PIK3R1: variants seen among roughly 807,000 people sequenced by gnomAD.
PIK3R1 encodes phosphoinositide-3-kinase regulatory subunit 1.
PIK3R1 carries 29 observed loss-of-function variants against 98.0 expected under a neutral mutation model. The ratio of observed to expected loss-of-function variants is 0.30; its 90% CI spans 0.22 to 0.40. PIK3R1 has a LOEUF of 0.40. PIK3R1 is among the 10% of genes least tolerant of loss of function. The pLI is 1.00. For synonymous variants in PIK3R1, 282 were observed against 311.8 expected (o/e 0.90, Z 1.01); for missense variants, 596 against 872.7 (o/e 0.68, Z 3.99).
intron 2 of PIK3R1, among the ~76,000 whole-genome samples, chr5:68,227,630 C>T (rs1580174622): frequency 6.6e-6 from 1 of 152,134 alleles, no homozygotes; most frequent in Admixed American, 6.5e-5. Flanking sequence ...AATAAAATGA[C>T]CACAGAACTC....
At chr5:68,220,347 C>A (rs1191902371) in intron 1 of PIK3R1, among the ~76,000 whole-genome samples, 1 of 152,182 alleles carries the variant, frequency 6.6e-6, no homozygotes, top group Non-Finnish European at 1.5e-5. Context: ...CTCATTCCTG[C>A]CCCCTCAGGT....
At chr5:68,277,045 C>A (rs1561286963) in intron 4 of PIK3R1, among the ~76,000 whole-genome samples, 2 of 152,142 alleles carry the variant, frequency 1.3e-5, no homozygotes, top group South Asian at 4.1e-4. Context: ...AGAGGGAAAC[C>A]CTGCCTGAGG....
In PIK3R1 at chr5:68,298,939, C is replaced by T; in HGVS notation, c.*1338C>T. 1.3e-5 allele frequency: 3 copies of T among 233,502 alleles called. No individual in the cohort carries two copies. Among genetic ancestry groups the T allele is most frequent in the Non-Finnish European group, 2.5e-5 (3 of 117,940 alleles). The allele number at this position is 233,502 out of a possible 1,614,324, so 14.5% of individuals were successfully genotyped here. ...GGGGAGGCAAGGTTATATGCACTTT[C>T]TCATGATTTACAGAGAAGTGAATAA... is the stretch of plus-strand genomic sequence containing the variant. On this transcript the variant is annotated 3_prime_UTR_variant, in exon 16 of 16. Coordinates refer to ENST00000521381, the MANE Select transcript of PIK3R1 (RefSeq NM_181523.3).
At chr5:68,226,009 A>G (rs1017511615) in intron 1 of PIK3R1, among the ~76,000 whole-genome samples, 4 of 152,038 alleles carry the variant, frequency 2.6e-5, no homozygotes, top group African/African-American at 9.7e-5. Context: ...GACATGTACT[A>G]GTGTTGTGGC....
intron 15 of PIK3R1, 143 bp downstream of exon 15, chr5:68,296,484 A>G: frequency 1.4e-6 from 1 of 737,998 alleles, no homozygotes; most frequent in Non-Finnish European, 2.2e-6. Context: ...AAGAGAAACC[A>G]AAGCAGCTGT....
chr5:68,236,122 C>T (rs1211200330), intron 2 of PIK3R1, among the ~76,000 whole-genome samples: 3 of 151,956 alleles, frequency 2.0e-5, no homozygotes, highest in African/African-American at 7.3e-5. Context: ...CCACCCACCT[C>T]GGCCTCCTAA....
rs773185995 is a variant in PIK3R1 at position 68,279,715 on chromosome 5, A to G, written c.616A>G (p.Met206Val). 20 of 1,614,040 alleles carry G rather than the reference A, an allele frequency of 1.2e-5. No homozygotes were observed. The highest frequency in any genetic ancestry group is 1.6e-5 in the Non-Finnish European group (19 of 1,180,026). The change falls in exon 5 of 16, where the codon ATG (methionine) becomes GTG (valine). Residue 206 changes from methionine (M) to valine (V), a missense_variant. By Grantham distance (21) the Met-to-Val change is conservative. Coordinates refer to ENST00000521381, the MANE Select transcript of PIK3R1 (RefSeq NM_181523.3). ...PVIPAAVYSE[M>V]ISLAPEVQSS... The stretch of plus-strand genomic sequence containing the variant: ...CATTCCAGCAGCCGTTTACAGTGAA[A>G]TGATTTCTTTAGCTCCAGGTTTGTT...
Position 68,300,064 on chromosome 5 carries a change from T to C in PIK3R1, c.*2463T>C, listed in dbSNP as rs571881293. On this transcript the variant is annotated 3_prime_UTR_variant, in exon 16 of 16. Coordinates refer to ENST00000521381, the MANE Select transcript of PIK3R1 (RefSeq NM_181523.3). ...CATACAAATTTTTATTTCTAAAATA[T>C]AAGATCTGAGATTGAATATTTTCAT... The C allele has an allele frequency of 5.7e-4, 132 of 233,136 alleles. No individual in the cohort carries two copies. The highest frequency in any genetic ancestry group is 9.5e-4 in the Non-Finnish European group (112 of 118,040). The allele number at this position is 233,136 out of a possible 1,614,324, so 14.4% of individuals were successfully genotyped here.
At chr5:68,236,189 CA>C (rs1744660304) in intron 2 of PIK3R1, among the ~76,000 whole-genome samples, 1 of 150,840 alleles carries the variant, frequency 6.6e-6, no homozygotes. Flanking sequence ...ATTTTATAGA[CA>C]TTTTTCATTT....
At chr5:68,277,137 T>C (rs1176262708) in intron 4 of PIK3R1, among the ~76,000 whole-genome samples, 1 of 152,218 alleles carries the variant, frequency 6.6e-6, no homozygotes, top group Non-Finnish European at 1.5e-5. Context: ...ATAAGCAAAT[T>C]CGGTAATATT....
chr5:68,295,174 A>C lies in PIK3R1; in HGVS notation c.1595A>C (p.Lys532Thr). The C allele has an allele frequency of 6.2e-7, 1 of 1,614,008 alleles. No individual in the cohort carries two copies. Among genetic ancestry groups the C allele is most frequent in the Non-Finnish European group, 8.5e-7 (1 of 1,179,884 alleles). The change falls in exon 13 of 16, where the codon AAG becomes ACG. Residue 532 changes from lysine to threonine, a missense_variant. Lys to Thr is a moderately conservative substitution (Grantham distance 78). This residue lies in a region of PIK3R1 where 207 missense variants were observed against 361.4 expected (regional missense o/e 0.57). Coordinates refer to ENST00000521381, the MANE Select transcript of PIK3R1 (RefSeq NM_181523.3). Reference protein sequence around the residue: ...QRIMHNYDKLKSRISEIIDSR... With the variant: ...QRIMHNYDKLTSRISEIIDSR... ...ATTATGCATAATTATGATAAGTTGA[A>C]GTCTCGAATCAGTGAAATTATTGAC...
In PIK3R1 at chr5:68,296,224, C is replaced by A. The variant is rs2112283099; in HGVS notation, c.1868C>A (p.Thr623Lys). The A allele has an allele frequency of 6.2e-7, 1 of 1,614,184 alleles. No individual in the cohort carries two copies. Among genetic ancestry groups the A allele is most frequent in the Non-Finnish European group, 8.5e-7 (1 of 1,180,012 alleles). ...GATTTGCCCCATCATGATGAGAAGA[C>A]ATGGAATGTTGGAAGCAGCAACCGA... Reference protein sequence around the residue: ...DEDLPHHDEKTWNVGSSNRNK... With the variant: ...DEDLPHHDEKKWNVGSSNRNK... Residue 623 changes from threonine (T) to lysine (K), a missense_variant, in exon 15 of 16, where the codon ACA becomes AAA. Physicochemically the swap from Thr to Lys is moderately conservative, Grantham distance 78. Around this residue, in one of 3 missense-constraint regions of PIK3R1, gnomAD observed 207 missense variants for 361.4 expected, o/e 0.57. Transcript: ENST00000521381.
At chr5:68,265,690 G>A (rs1005616191) in intron 2 of PIK3R1, among the ~76,000 whole-genome samples, 1 of 152,084 alleles carries the variant, frequency 6.6e-6, no homozygotes, top group African/African-American at 2.4e-5. Context: ...GAATCTGGGG[G>A]GAAGGGACAC....
chr5:68,290,206 C>T (rs566237063), intron 7 of PIK3R1, among the ~76,000 whole-genome samples: 4 of 152,218 alleles, frequency 2.6e-5, no homozygotes, highest in Non-Finnish European at 5.9e-5. Flanking sequence ...CGTACTGCTT[C>T]TCTTATACAT....
At chr5:68,233,806 T>G (rs1411888434) in intron 2 of PIK3R1, among the ~76,000 whole-genome samples, 1 of 152,244 alleles carries the variant, frequency 6.6e-6, no homozygotes, top group African/African-American at 2.4e-5. Context: ...TTTAATTATG[T>G]ATGCAGAACT....
At position 68,298,586 on chromosome 5, in the gene PIK3R1, G is replaced by T. The variant is rs1174920629; in HGVS notation, c.*985G>T. 8.6e-6 allele frequency: 2 copies of T among 232,392 alleles called. No homozygotes were observed. The highest frequency in any genetic ancestry group is 6.1e-5 in the East Asian group (1 of 16,424). 14.4% of individuals were successfully genotyped at this position (232,392 alleles called of 1,614,324 possible). On this transcript the variant is annotated 3_prime_UTR_variant, in exon 16 of 16. Transcript: ENST00000521381. ...AGGATGCCAGTAAAAAAAAAAAATG[G>T]CTTCAGAATTAAAACTATGAAATAT...
At chr5:68,268,596 A>C (rs554565157) in intron 2 of PIK3R1, among the ~76,000 whole-genome samples, 1 of 152,296 alleles carries the variant, frequency 6.6e-6, no homozygotes, top group South Asian at 2.1e-4. Context: ...CTTTGCATAT[A>C]CACTTTCTTT....
Position 68,298,751 on chromosome 5 carries a change from A to AAAG in PIK3R1, c.*1152_*1154dup. 4.3e-6 allele frequency: 1 copy of AAAG among 233,556 alleles called. No individual in the cohort carries two copies. The highest frequency in any genetic ancestry group is 8.5e-6 in the Non-Finnish European group (1 of 117,964). The allele number at this position is 233,556 out of a possible 1,614,324, so 14.5% of individuals were successfully genotyped here. ...TTATTCAATAAAAAAAAGAAATGAA[A>AAAG]AAGATATATGAATATGACAAAGTAT... On this transcript the variant is annotated 3_prime_UTR_variant, in exon 16 of 16. Coordinates refer to ENST00000521381, the MANE Select transcript of PIK3R1 (RefSeq NM_181523.3).
intron 2 of PIK3R1, among the ~76,000 whole-genome samples, chr5:68,266,211 G>T (rs1746117725): frequency 6.6e-6 from 1 of 152,144 alleles, no homozygotes; most frequent in Non-Finnish European, 1.5e-5. Flanking sequence ...TTGTGACATC[G>T]CAGCTTCTCA....
Sources: gnomAD v4.1 joint callset for allele counts (sites outside exome capture counted in the v4.1 genomes callset) on GRCh38, gnomAD v4.1.1 for gene constraint, gnomAD v4.1.1 regional missense constraint, MANE v1.5 for transcripts, NCBI Gene and HGNC (gene_info 2026-07-23, HGNC 2026-07-21) for gene names.